CAMK4: variants seen among roughly 807,000 people sequenced by gnomAD.
CAMK4 encodes calcium/calmodulin-dependent protein kinase type IV.
In CAMK4, 22 loss-of-function variants were observed where a neutral mutation model predicts 44.9. The ratio of observed to expected loss-of-function variants is 0.49; its 90% CI spans 0.35 to 0.70. The LOEUF (loss-of-function observed/expected upper bound fraction) is 0.70, where lower values mean the gene tolerates loss of function less well. Ranked by LOEUF, CAMK4 falls within the 30% of genes least tolerant of loss-of-function variation. The probability of loss-of-function intolerance (pLI) is 0.01; values close to 1 mark genes in which losing one functional copy is unlikely to be tolerated. For synonymous variants in CAMK4, 218 were observed against 215.4 expected, an observed-to-expected ratio of 1.01 and a Z score of -0.11; for missense variants, 498 against 586.8, an observed-to-expected ratio of 0.85 and a Z score of 1.56.
intron 1 of CAMK4, among the ~76,000 whole-genome samples, chr5:111,292,335 A>T (rs1281056214): frequency 6.6e-6 from 1 of 152,170 alleles, no homozygotes; most frequent in Non-Finnish European, 1.5e-5. Context: ...TTAGCCACAG[A>T]TTGTTAAATA....
intron 5 of CAMK4, among the ~76,000 whole-genome samples, chr5:111,402,228 A>G (rs984113217): frequency 3.9e-5 from 6 of 152,222 alleles, no homozygotes; most frequent in African/African-American, 1.4e-4. Flanking sequence ...AGAAGGAAAA[A>G]TGTGGCTTGA....
chr5:111,465,468 C>T (rs1028105369), intron 7 of CAMK4, among the ~76,000 whole-genome samples: 2 of 151,668 alleles, frequency 1.3e-5, no homozygotes, highest in Non-Finnish European at 2.9e-5. Context: ...CAAGATAGAC[C>T]AAGAAAAGAA....
intron 1 of CAMK4, among the ~76,000 whole-genome samples, chr5:111,236,186 A>C (rs1301732421): frequency 1.3e-5 from 2 of 152,232 alleles, no homozygotes; most frequent in Non-Finnish European, 2.9e-5. Flanking sequence ...CACAGGCCAC[A>C]AGGTGGGAAG....
chr5:111,227,806 T>A (rs1259553358), intron 1 of CAMK4, among the ~76,000 whole-genome samples: 1 of 152,248 alleles, frequency 6.6e-6, no homozygotes, highest in East Asian at 1.9e-4. Context: ...TTGAAGACAC[T>A]GTTTTGTTCA....
intron 5 of CAMK4, among the ~76,000 whole-genome samples, chr5:111,396,580 C>T (rs988202933): frequency 3.5e-5 from 5 of 144,714 alleles, no homozygotes; most frequent in Admixed American, 1.4e-4. Context: ...CTGTTGCTGG[C>T]ATGCTTTAAA....
At chr5:111,348,737 G>A (rs577246489) in intron 2 of CAMK4, among the ~76,000 whole-genome samples, 1 of 151,950 alleles carries the variant, frequency 6.6e-6, no homozygotes, top group African/African-American at 2.4e-5. Context: ...ATTCATTCTG[G>A]TATTTCAACA....
intron 5 of CAMK4, among the ~76,000 whole-genome samples, chr5:111,409,160 T>A (rs1041411181): frequency 2.6e-5 from 4 of 152,184 alleles, no homozygotes; most frequent in Non-Finnish European, 4.4e-5. Context: ...CAACCCTATA[T>A]TTCCCCTCTG....
intron 1 of CAMK4, among the ~76,000 whole-genome samples, chr5:111,322,865 A>C (rs974811390): frequency 1.3e-5 from 2 of 152,128 alleles, no homozygotes; most frequent in South Asian, 4.1e-4. Flanking sequence ...ATTATATGAA[A>C]TTTAAAATGA....
chr5:111,229,787 C>T (rs544998024), intron 1 of CAMK4, among the ~76,000 whole-genome samples: 1 of 152,150 alleles, frequency 6.6e-6, no homozygotes, highest in Non-Finnish European at 1.5e-5. Context: ...GTCTTGTTCT[C>T]TGTGCATCTG....
At position 111,238,847 on chromosome 5, in the gene CAMK4, G is replaced by A. The variant is rs1272082324; in HGVS notation, c.161+14203G>A. On this transcript the variant is annotated intron_variant, in intron 1 of 10. Transcript: ENST00000282356. ...TTTTTTTTTTTTTTTAACAGGAGGT[G>A]GGCTCCCTAGCATGCCTCCACCTTG... Among the ~76,000 whole-genome samples, 3 of 130,454 alleles carry A rather than the reference G, an allele frequency of 2.3e-5. No homozygotes were observed. The Admixed American group carries it at 2.4e-4, about 11-fold the overall frequency. The allele number at this position is 130,454 out of a possible 152,430, so 85.6% of individuals were successfully genotyped here.
chr5:111,302,077 C>T (rs1341714512), intron 1 of CAMK4: 1 of 152,148 alleles, frequency 6.6e-6, no homozygotes, highest in Non-Finnish European at 1.5e-5. Flanking sequence ...TTTCAGCTAC[C>T]ATTGGCTTTG....
chr5:111,291,465 C>A (rs1353805791), intron 1 of CAMK4, among the ~76,000 whole-genome samples: 5 of 152,094 alleles, frequency 3.3e-5, no homozygotes, highest in Non-Finnish European at 7.3e-5. Context: ...TGTCGTCATA[C>A]CTCCTTGGTG....
intron 1 of CAMK4, among the ~76,000 whole-genome samples, chr5:111,336,475 T>C (rs887321743): frequency 8.9e-6 from 1 of 111,910 alleles, no homozygotes; most frequent in African/African-American, 3.9e-5. Flanking sequence ...ATTAATAATA[T>C]AGGTTATTTT....
chr5:111,490,628 G>T lies in CAMK4; in HGVS notation c.*6162G>T, dbSNP rs1220938052. On this transcript the variant is annotated 3_prime_UTR_variant, in exon 11 of 11. Transcript: ENST00000282356. Reference sequence around the variant, plus strand: ...AAATATATATATATGACCATAAATTGAAAACTATCATCTCATACTGCCTCC... The same window carrying T: ...AAATATATATATATGACCATAAATTTAAAACTATCATCTCATACTGCCTCC... 6.6e-6 allele frequency: 1 copy of T among 152,086 alleles called. No homozygotes were observed. The highest frequency in any genetic ancestry group is 1.5e-5 in the Non-Finnish European group (1 of 68,030). 9.4% of individuals were successfully genotyped at this position (152,086 alleles called of 1,614,324 possible).
intron 8 of CAMK4, among the ~76,000 whole-genome samples, chr5:111,477,864 GATTTC>G (rs1366019227): frequency 6.6e-6 from 1 of 152,056 alleles, no homozygotes; most frequent in East Asian, 1.9e-4. Context: ...TTCTATGGAG[GATTTC>G]ATAGAATAGG....
At chr5:111,425,200 T>C (rs1753181944) in intron 5 of CAMK4, among the ~76,000 whole-genome samples, 1 of 151,612 alleles carries the variant, frequency 6.6e-6, no homozygotes, top group South Asian at 2.1e-4. Flanking sequence ...ATCCCTGACG[T>C]GAGTCAGTAG....
chr5:111,236,952 G>C (rs1366241450), intron 1 of CAMK4, among the ~76,000 whole-genome samples: 1 of 152,128 alleles, frequency 6.6e-6, no homozygotes, highest in South Asian at 2.1e-4. Flanking sequence ...GAAAATCAGC[G>C]GTACTTAAAA....
intron 5 of CAMK4, among the ~76,000 whole-genome samples, chr5:111,405,687 G>T (rs909334500): frequency 5.3e-5 from 8 of 152,130 alleles, no homozygotes; most frequent in Non-Finnish European, 1.0e-4. Context: ...AGGGGCTCAG[G>T]TGACTTACTA....
intron 7 of CAMK4, among the ~76,000 whole-genome samples, chr5:111,467,826 G>A (rs55928578): frequency 0.012 from 1,775 of 152,084 alleles, 29 homozygotes; most frequent in African/African-American, 0.04. Context: ...TAGAACTACC[G>A]TTTGATCCAG....
Sources: gnomAD v4.1 joint callset for allele counts (sites outside exome capture counted in the v4.1 genomes callset) on GRCh38, gnomAD v4.1.1 for gene constraint, MANE v1.5 for transcripts, NCBI Gene and HGNC (gene_info 2026-07-23, HGNC 2026-07-21) for gene names.